Variants in IMMP2L observed in about 807,000 individuals in gnomAD.
IMMP2L encodes the protein mitochondrial inner membrane protease subunit 2.
In IMMP2L, 18 loss-of-function variants were observed where a neutral mutation model predicts 19.3. The observed-to-expected ratio is 0.93, with a 90% CI of 0.64 to 1.38. The LOEUF is 1.38. Ranked by LOEUF, IMMP2L falls within the 40% of genes most tolerant of loss-of-function variation. The pLI is 0.00. For missense variants in IMMP2L, 233 were observed against 218.2 expected, an observed-to-expected ratio of 1.07 and a Z score of -0.43; for synonymous variants, 76 against 73.0, an observed-to-expected ratio of 1.04 and a Z score of -0.21.
chr7:111,548,464 G>A (rs949101531), intron 1 of IMMP2L, among the ~76,000 whole-genome samples: 2 of 151,964 alleles, frequency 1.3e-5, no homozygotes, highest in South Asian at 2.1e-4. Context: ...ATATTCCACC[G>A]TTCTGTCTTT....
rs1798259487 is a variant in IMMP2L at position 110,760,065 on chromosome 7, G to A, written c.409-96344C>T. The stretch of plus-strand genomic sequence containing the variant: ...AGCCTTCCATTTAATATGAAATCAA[G>A]TGGAGACATCTGTGCTTTGTCATCA... On this transcript the variant is annotated intron_variant, in intron 5 of 5. Transcript: ENST00000405709. This position sits in a 1 kb window ranked among gnomAD's most constrained non-coding sequence, Gnocchi z 4.2. Among the ~76,000 whole-genome samples the A allele has an allele frequency of 6.6e-6, 1 of 152,058 alleles. No individual in the cohort carries two copies. The highest frequency in any genetic ancestry group is 1.5e-5 in the Non-Finnish European group (1 of 68,002).
At chr7:111,087,002 T>C (rs1360578642) in intron 3 of IMMP2L, among the ~76,000 whole-genome samples, 1 of 152,220 alleles carries the variant, frequency 6.6e-6, no homozygotes, top group Non-Finnish European at 1.5e-5. Flanking sequence ...TACAAGTGAA[T>C]ATTGAGTACC....
intron 1 of IMMP2L, among the ~76,000 whole-genome samples, chr7:111,546,176 C>A (rs73426275): frequency 2.0e-5 from 3 of 152,064 alleles, no homozygotes; most frequent in African/African-American, 7.2e-5. Context: ...TATGTTATTT[C>A]ACACAATTAC....
chr7:111,394,039 C>T (rs2131352726), intron 3 of IMMP2L, among the ~76,000 whole-genome samples: 1 of 152,208 alleles, frequency 6.6e-6, no homozygotes, highest in South Asian at 2.1e-4. Context: ...GCTAGTCTCA[C>T]TTTCACCAAT....
At chr7:110,873,361 C>G (rs1369180352) in intron 5 of IMMP2L, among the ~76,000 whole-genome samples, 3 of 122,314 alleles carry the variant, frequency 2.5e-5, no homozygotes, top group Non-Finnish European at 4.7e-5. Context: ...ACCAGAGGAA[C>G]AGGTTTCAGT....
intron 3 of IMMP2L, among the ~76,000 whole-genome samples, chr7:111,379,354 T>C (rs906228571): frequency 6.6e-6 from 1 of 151,624 alleles, no homozygotes; most frequent in Non-Finnish European, 1.5e-5. Context: ...TGAGAGTACA[T>C]AAATTATATA....
intron 3 of IMMP2L, among the ~76,000 whole-genome samples, chr7:111,158,488 T>C (rs1331739801): frequency 6.6e-6 from 1 of 152,136 alleles, no homozygotes; most frequent in Non-Finnish European, 1.5e-5. Flanking sequence ...GATGTGCTCT[T>C]ACAATTGCTA....
chr7:110,933,166 A>T (rs1280183984), intron 4 of IMMP2L, among the ~76,000 whole-genome samples: 1 of 152,188 alleles, frequency 6.6e-6, no homozygotes, highest in East Asian at 1.9e-4. Flanking sequence ...AAACAGACCT[A>T]AAGGAAGAGC....
chr7:111,336,965 A>T (rs1826488530), intron 3 of IMMP2L, among the ~76,000 whole-genome samples: 1 of 152,020 alleles, frequency 6.6e-6, no homozygotes, highest in Non-Finnish European at 1.5e-5. Flanking sequence ...ACAGATTCAT[A>T]AGCATCATAT....
chr7:110,828,743 C>T (rs1366568525), intron 5 of IMMP2L, among the ~76,000 whole-genome samples: 2 of 152,070 alleles, frequency 1.3e-5, no homozygotes, highest in Non-Finnish European at 2.9e-5. Context: ...GGAAAACAAC[C>T]AGGGATCTAA....
intron 1 of IMMP2L, among the ~76,000 whole-genome samples, chr7:111,523,974 T>G (rs1243503674): frequency 6.6e-6 from 1 of 152,096 alleles, no homozygotes; most frequent in Non-Finnish European, 1.5e-5. Context: ...ATTTTATATA[T>G]CTCTACAAAA....
At chr7:111,431,148 A>G (rs1004789589) in intron 3 of IMMP2L, among the ~76,000 whole-genome samples, 2 of 151,838 alleles carry the variant, frequency 1.3e-5, no homozygotes, top group Admixed American at 1.3e-4. Context: ...TATCTTGACC[A>G]CAAAAGGTCT....
chr7:110,699,109 G>A (rs930402420), intron 5 of IMMP2L, among the ~76,000 whole-genome samples: 21 of 152,048 alleles, frequency 1.4e-4, no homozygotes, highest in Non-Finnish European at 2.8e-4. Context: ...GGCATCCACT[G>A]AGGAAAAGTG....
intron 4 of IMMP2L, among the ~76,000 whole-genome samples, chr7:110,902,190 T>C (rs948893923): frequency 5.9e-5 from 9 of 151,958 alleles, no homozygotes; most frequent in African/African-American, 2.2e-4. Context: ...AAAAACCTTA[T>C]GTTTAAGAGA....
chr7:110,703,988 G>A (rs1036242470), intron 5 of IMMP2L, among the ~76,000 whole-genome samples: 14 of 152,032 alleles, frequency 9.2e-5, no homozygotes, highest in Non-Finnish European at 1.9e-4. Context: ...TGGGACTACA[G>A]GAGCCTGCCA....
At chr7:111,402,998 C>T (rs542271019) in intron 3 of IMMP2L, among the ~76,000 whole-genome samples, 4 of 99,732 alleles carry the variant, frequency 4.0e-5, no homozygotes, top group Non-Finnish European at 6.2e-5. Context: ...TTGACCCCCC[C>T]CCCCCACCCC....
intron 3 of IMMP2L, among the ~76,000 whole-genome samples, chr7:111,061,867 G>A (rs1005100861): frequency 5.3e-5 from 8 of 152,038 alleles, no homozygotes; most frequent in Non-Finnish European, 1.2e-4. Flanking sequence ...TTACTTACAG[G>A]AGTCTAGCTG....
At chr7:110,693,447 T>A (rs1793651739) in intron 5 of IMMP2L, among the ~76,000 whole-genome samples, 1 of 152,216 alleles carries the variant, frequency 6.6e-6, no homozygotes, top group Admixed American at 6.5e-5. Flanking sequence ...AGGTGACACA[T>A]TACACAATAT....
chr7:110,915,773 T>A (rs2129549395), intron 4 of IMMP2L, among the ~76,000 whole-genome samples: 1 of 151,808 alleles, frequency 6.6e-6, no homozygotes, highest in East Asian at 1.9e-4. Flanking sequence ...GTTTTAAAAT[T>A]AAAAAATAAA....
Sources: gnomAD v4.1 joint callset for allele counts (sites outside exome capture counted in the v4.1 genomes callset) on GRCh38, gnomAD v4.1.1 for gene constraint, Gnocchi (gnomAD v3.1) non-coding constraint, MANE v1.5 for transcripts, NCBI Gene and HGNC (gene_info 2026-07-23, HGNC 2026-07-21) for gene names.